Variants in SMARCA4 observed in about 807,000 individuals in gnomAD.
SMARCA4 encodes SWI/SNF-related matrix-associated actin-dependent regulator of chromatin subfamily A member 4.
Under a neutral mutation model 193.9 loss-of-function variants are expected in SMARCA4, and 31 were observed. The observed-to-expected ratio is 0.16, with a 90% CI of 0.12 to 0.22. SMARCA4 has a LOEUF of 0.22. Among genes scored for constraint, SMARCA4 ranks in the 10% least tolerant of loss-of-function variants. The pLI is 1.00. For synonymous variants in SMARCA4, 942 were observed against 933.1 expected, an observed-to-expected ratio of 1.01 and a Z score of -0.17; for missense variants, 1,148 against 2,296.0, an observed-to-expected ratio of 0.50 and a Z score of 10.22.
chr19:11,010,209 C>G (rs377719296), intron 14 of SMARCA4, among the ~76,000 whole-genome samples, 172 bp from the exon 15 acceptor site: 1 of 152,178 alleles, frequency 6.6e-6, no homozygotes, highest in African/African-American at 2.4e-5. Context: ...AGGCTTAGTG[C>G]GGGCTGCCCT....
At chr19:10,962,346 G>C (rs905892719) in intron 1 of SMARCA4, among the ~76,000 whole-genome samples, 1 of 152,098 alleles carries the variant, frequency 6.6e-6, no homozygotes, top group Non-Finnish European at 1.5e-5. Context: ...TTGGATGGTC[G>C]GGGGTTGGAT....
At chr19:10,966,296 A>G (rs1451044030) in intron 1 of SMARCA4, among the ~76,000 whole-genome samples, 1 of 152,134 alleles carries the variant, frequency 6.6e-6, no homozygotes, top group Non-Finnish European at 1.5e-5. Context: ...GTTTTTAAAA[A>G]TATCAAATGT....
rs2147095737 is a variant in SMARCA4, at chr19:11,058,759, G to T, written c.4534-29G>T. 2 of 1,600,318 alleles carry T rather than the reference G, an allele frequency of 1.2e-6. No individual in the cohort carries two copies. Among genetic ancestry groups the T allele is most frequent in the South Asian group, 1.1e-5 (1 of 90,850 alleles). On this transcript the variant is annotated intron_variant, in intron 31 of 34. Coordinates refer to ENST00000344626, the MANE Select transcript of SMARCA4 (RefSeq NM_003072.5). This position sits in a 1 kb window ranked among gnomAD's most constrained non-coding sequence, Gnocchi z 5.8. ...CGGGCAGGCGAGGCGGGGTCCTGAG[G>T]TAAGACCTGCTCCTCCCGTCCACTG... is the stretch of plus-strand genomic sequence containing the variant.
intron 24 of SMARCA4, among the ~76,000 whole-genome samples, chr19:11,029,601 A>G (rs1471224967): frequency 6.6e-6 from 1 of 152,210 alleles, no homozygotes; most frequent in Admixed American, 6.5e-5. Flanking sequence ...CGGCAGGTGG[A>G]TGGCCAGGCT....
At chr19:10,995,991 G>A in intron 9 of SMARCA4, 1 of 626,068 alleles carries the variant, frequency 1.6e-6, no homozygotes, top group South Asian at 1.7e-5. Flanking sequence ...AATGGCTGCT[G>A]GCGGGACTGT....
At chr19:10,991,567 A>G (rs2086566257) in intron 8 of SMARCA4, among the ~76,000 whole-genome samples, 1 of 152,242 alleles carries the variant, frequency 6.6e-6, no homozygotes, top group African/African-American at 2.4e-5. Flanking sequence ...AAGAAAAATC[A>G]AGCCAGGATA....
chr19:10,967,969 C>T (rs1000401466), intron 1 of SMARCA4, among the ~76,000 whole-genome samples: 1 of 151,980 alleles, frequency 6.6e-6, no homozygotes, highest in Admixed American at 6.6e-5. Flanking sequence ...CTCCGCCTCC[C>T]GGGTTCATGC....
At chr19:11,044,431 T>C (rs1361583462) in intron 30 of SMARCA4, among the ~76,000 whole-genome samples, 1 of 152,006 alleles carries the variant, frequency 6.6e-6, no homozygotes, top group East Asian at 1.9e-4. Flanking sequence ...AAACTCCTCA[T>C]AGATGAGGAA....
At chr19:11,040,953 G>C (rs528461988) in intron 29 of SMARCA4, 2 of 226,224 alleles carry the variant, frequency 8.8e-6, no homozygotes, top group Non-Finnish European at 1.7e-5. Flanking sequence ...AAATAGATGG[G>C]GAGAGTGTGG....
chr19:11,053,261 A>T (rs538383636), intron 30 of SMARCA4, among the ~76,000 whole-genome samples: 27 of 152,288 alleles, frequency 1.8e-4, no homozygotes, highest in Admixed American at 1.1e-3. Context: ...AGGCTGGCGA[A>T]TCGCTGGAAT....
chr19:10,988,102 C>T (rs2145828571), intron 6 of SMARCA4, among the ~76,000 whole-genome samples, 178 bp downstream of exon 6: 1 of 152,218 alleles, frequency 6.6e-6, no homozygotes, highest in Non-Finnish European at 1.5e-5. Flanking sequence ...CTGTTTCCCA[C>T]ACAGCAGTTT....
chr19:10,971,748 G>A (rs60897508), intron 1 of SMARCA4, among the ~76,000 whole-genome samples: 8,144 of 150,274 alleles, frequency 0.054, 281 homozygotes, highest in South Asian at 0.11. Context: ...AATTACAGGC[G>A]TGAGCCACCA....
intron 30 of SMARCA4, chr19:11,056,470 C>T (rs2076553072): frequency 6.6e-6 from 1 of 152,332 alleles, no homozygotes; most frequent in Non-Finnish European, 1.5e-5. Context: ...ACTTCATGAA[C>T]ACACGTTGGG....
In SMARCA4 at chr19:11,061,806, A is replaced by G. The variant is rs2076918308; in HGVS notation, c.4934A>G (p.Glu1645Gly). 6.2e-7 allele frequency: 1 copy of G among 1,613,916 alleles called. No individual in the cohort carries two copies. Among genetic ancestry groups the G allele is most frequent in the South Asian group, 1.1e-5 (1 of 91,084 alleles). ...CAGGACCGCTCAGGAAGTGGCAGCG[A>G]AGAAGACTGAGCCCCGACATTCCAG... ...QEEDRSGSGS[E>G]ED is the part of the protein sequence containing the mutation. The change falls in exon 35 of 35, where the codon GAA (glutamate) becomes GGA (glycine). Residue 1645 changes from glutamate to glycine, a missense_variant. Around this residue, in one of 17 missense-constraint regions of SMARCA4, gnomAD observed 105 missense variants for 133.7 expected, o/e 0.79. Transcript: ENST00000344626.
At chr19:11,061,198 A>ATATATATATAT (rs1265933150) in intron 34 of SMARCA4, among the ~76,000 whole-genome samples, 3 of 76,262 alleles carry the variant, frequency 3.9e-5, no homozygotes, top group African/African-American at 1.7e-4. Flanking sequence ...TAAAAAAAAA[A>ATATATATATAT]AAAAAAATAT....
intron 11 of SMARCA4, among the ~76,000 whole-genome samples, chr19:10,998,573 G>T (rs1361904814): frequency 6.8e-6 from 1 of 147,904 alleles, no homozygotes; most frequent in Non-Finnish European, 1.5e-5. Context: ...TATTTCCATC[G>T]TTCTTTCTGC....
intron 1 of SMARCA4, among the ~76,000 whole-genome samples, chr19:10,967,370 G>A (rs562115901): frequency 1.3e-5 from 2 of 152,206 alleles, no homozygotes; most frequent in African/African-American, 4.8e-5. Context: ...GAGTGCAGTG[G>A]CACGATCTCA....
chr19:10,969,964 AC>A (rs2084547666), intron 1 of SMARCA4, among the ~76,000 whole-genome samples: 1 of 152,030 alleles, frequency 6.6e-6, no homozygotes, highest in Non-Finnish European at 1.5e-5. Flanking sequence ...CCTATGCCCC[AC>A]CTGTGGCCGC....
chr19:11,024,728 T>C (rs1365355683), intron 21 of SMARCA4, among the ~76,000 whole-genome samples: 1 of 152,054 alleles, frequency 6.6e-6, no homozygotes, highest in Non-Finnish European at 1.5e-5. Flanking sequence ...CCCTTCTCTG[T>C]TATTAAGTGA....
Sources: allele counts gnomAD v4.1 joint callset (sites outside exome capture counted in the v4.1 genomes callset), GRCh38; gene constraint gnomAD v4.1.1; regional missense constraint gnomAD v4.1.1; non-coding constraint Gnocchi (gnomAD v3.1); transcripts MANE v1.5; gene names NCBI Gene and HGNC (gene_info 2026-07-23, HGNC 2026-07-21).